Variants in AAK1 observed in about 807,000 individuals in gnomAD.
AAK1 encodes the protein AP2 associated kinase 1.
In AAK1, 37 loss-of-function variants were observed where a neutral mutation model predicts 116.0. The ratio of observed to expected loss-of-function variants is 0.32; its 90% CI spans 0.25 to 0.42. The LOEUF is 0.42. Among genes scored for constraint, AAK1 ranks in the 10% least tolerant of loss-of-function variants. AAK1 has a pLI of 1.00. For synonymous variants in AAK1, 458 were observed against 439.9 expected, an observed-to-expected ratio of 1.04 and a Z score of -0.51; for missense variants, 919 against 1,170.6, an observed-to-expected ratio of 0.79 and a Z score of 3.14.
chr2:69,473,757 CAT>C lies in AAK1; in HGVS notation c.*2110_*2111del, dbSNP rs939823711. The C allele has an allele frequency of 7.4e-5, 72 of 977,268 alleles. 1 individual carries two copies. The African/African-American group carries it at 1.2e-3, about 16-fold the overall frequency. The allele number at this position is 977,268 out of a possible 1,614,324, so 60.5% of individuals were successfully genotyped here. On this transcript the variant is annotated 3_prime_UTR_variant, in exon 22 of 22. Transcript: ENST00000409085. ...ATACGAAAAAAATCAAATATGAAAA[CAT>C]AGAACTCAAACATTATTCTTATTTA...
chr2:69,577,924 T>G (rs936617046), intron 2 of AAK1, among the ~76,000 whole-genome samples: 7 of 152,194 alleles, frequency 4.6e-5, no homozygotes, highest in African/African-American at 1.7e-4. Context: ...GGGTATTCCT[T>G]TCACCTTCAT....
intron 4 of AAK1, among the ~76,000 whole-genome samples, chr2:69,543,228 C>T (rs1210726247): frequency 1.3e-5 from 2 of 152,168 alleles, no homozygotes; most frequent in Non-Finnish European, 2.9e-5. Context: ...TGCCTGGATG[C>T]TCCTACTGCC....
Position 69,470,375 on chromosome 2 carries a change from G to A in AAK1, c.*5494C>T, listed in dbSNP as rs990119968. ...AACCAAACTGGGGAAATCAAGAGAC[G>A]TACATCAAACTAATAATTACCATGA... is the stretch of plus-strand genomic sequence containing the variant. On this transcript the variant is annotated 3_prime_UTR_variant, in exon 22 of 22. Transcript: ENST00000409085. 24 of 985,258 alleles carry A rather than the reference G, an allele frequency of 2.4e-5. No homozygotes were observed. The highest frequency in any genetic ancestry group is 4.7e-5 in the South Asian group (1 of 21,284). The allele number at this position is 985,258 out of a possible 1,614,324, so 61.0% of individuals were successfully genotyped here.
At chr2:69,623,268 G>A (rs548935374) in intron 2 of AAK1, among the ~76,000 whole-genome samples, 69 of 152,298 alleles carry the variant, frequency 4.5e-4, no homozygotes, top group African/African-American at 1.4e-3. Context: ...CACTCACTGC[G>A]AGGGTCCGCG....
intron 2 of AAK1, among the ~76,000 whole-genome samples, chr2:69,586,699 A>G (rs1465836913): frequency 6.6e-6 from 1 of 152,180 alleles, no homozygotes; most frequent in Non-Finnish European, 1.5e-5. Context: ...AGTTGGAAAG[A>G]TTATCCCTAG....
Position 69,550,972 on chromosome 2 carries a change from A to G in AAK1, c.282+5888T>C, listed in dbSNP as rs6735016. Among the ~76,000 whole-genome samples, 519 of 152,242 alleles carry G rather than the reference A, an allele frequency of 3.4e-3. 3 individuals carry two copies. The highest frequency in any genetic ancestry group is 0.012 in the African/African-American group (481 of 41,520). On this transcript the variant is annotated intron_variant, in intron 3 of 21. Transcript: ENST00000409085. ...ACATTCAAATAGTTCATAATACTAG[A>G]CAATTTTTTTCCTACTCCAATCCCC...
At chr2:69,478,087 C>T (rs1178527853) in intron 20 of AAK1, among the ~76,000 whole-genome samples, 2 of 152,186 alleles carry the variant, frequency 1.3e-5, no homozygotes, top group African/African-American at 2.4e-5. Context: ...AAGAGAAATC[C>T]AGTAACCAAT....
intron 2 of AAK1, among the ~76,000 whole-genome samples, chr2:69,605,793 C>T (rs184071862): frequency 1.1e-4 from 17 of 152,242 alleles, no homozygotes; most frequent in East Asian, 1.9e-4. Flanking sequence ...AGTCATCCTC[C>T]GCTCCTACCT....
At chr2:69,573,944 G>C (rs1020075409) in intron 2 of AAK1, among the ~76,000 whole-genome samples, 1 of 151,772 alleles carries the variant, frequency 6.6e-6, no homozygotes, top group African/African-American at 2.4e-5. Flanking sequence ...GCAGTGAGCT[G>C]AGATCATGCC....
At chr2:69,593,599 A>G (rs1465894444) in intron 2 of AAK1, among the ~76,000 whole-genome samples, 4 of 152,180 alleles carry the variant, frequency 2.6e-5, no homozygotes, top group Non-Finnish European at 1.5e-5. Context: ...GCTAAAAGTA[A>G]TTAAATCTAT....
At chr2:69,573,863 G>A (rs1442264717) in intron 2 of AAK1, among the ~76,000 whole-genome samples, 1 of 152,054 alleles carries the variant, frequency 6.6e-6, no homozygotes, top group Non-Finnish European at 1.5e-5. Flanking sequence ...GCTGGGCGTG[G>A]TTGCGGGTGC....
rs532922176 is a variant in AAK1, at chr2:69,462,635, C to T, written c.*13234G>A. 1 of 151,892 alleles carries T rather than the reference C, an allele frequency of 6.6e-6. No individual in the cohort carries two copies. The highest frequency in any genetic ancestry group is 2.1e-4 in the South Asian group (1 of 4,806). The allele number at this position is 151,892 out of a possible 1,614,324, so 9.4% of individuals were successfully genotyped here. A position where few individuals can be genotyped will look rare whatever the true frequency, so the allele number is the denominator to read the frequency against. ...AGGTTGCAGTGAGCCGAGATCACAC[C>T]ACTGCACTCCCGCCTGAGCGACAGA... On this transcript the variant is annotated 3_prime_UTR_variant, in exon 22 of 22. Coordinates refer to ENST00000409085, the MANE Select transcript of AAK1 (RefSeq NM_014911.5).
chr2:69,530,780 T>A, intron 6 of AAK1, 74 bp from the exon 7 acceptor site: 1 of 1,199,124 alleles, frequency 8.3e-7, no homozygotes, highest in Admixed American at 1.9e-5. Context: ...CAGAAATACT[T>A]TTTTTCTTTT....
intron 17 of AAK1, 133 bp downstream of exon 17, chr2:69,495,852 A>G (rs1675717078): frequency 1.4e-6 from 1 of 693,422 alleles, no homozygotes; most frequent in Non-Finnish European, 2.4e-6. Context: ...CACAGTAAAA[A>G]TATACAACAG....
At chr2:69,568,886 A>C (rs774832337) in intron 2 of AAK1, among the ~76,000 whole-genome samples, 1 of 152,070 alleles carries the variant, frequency 6.6e-6, no homozygotes, top group Non-Finnish European at 1.5e-5. Context: ...ATCAGCCCCT[A>C]GGTCGTGGTC....
intron 2 of AAK1, among the ~76,000 whole-genome samples, chr2:69,602,875 T>C (rs530063485): frequency 6.6e-6 from 1 of 152,354 alleles, no homozygotes; most frequent in South Asian, 2.1e-4. Context: ...ATTTATTTTA[T>C]GGAGCAAGTT....
At chr2:69,595,162 G>C (rs1396445076) in intron 2 of AAK1, 1 of 420,210 alleles carries the variant, frequency 2.4e-6, no homozygotes, top group Non-Finnish European at 4.6e-6. Flanking sequence ...GCCCAGGCTG[G>C]AGTGCAGTGG....
At chr2:69,640,440 ATCTG>A (rs1325353123) in intron 2 of AAK1, among the ~76,000 whole-genome samples, 1 of 152,140 alleles carries the variant, frequency 6.6e-6, no homozygotes, top group African/African-American at 2.4e-5. Flanking sequence ...TTGAACCTAG[ATCTG>A]TCTGACTCTA....
Position 69,466,828 on chromosome 2 carries a change from T to C in AAK1, c.*9041A>G, listed in dbSNP as rs1572867468. ...GACATTCAGCGTAACTATGCAATGC[T>C]CCTACACACAGGGCCAGGCACGGAC... is the stretch of plus-strand genomic sequence containing the variant. On this transcript the variant is annotated 3_prime_UTR_variant, in exon 22 of 22. Transcript: ENST00000409085. The C allele has an allele frequency of 2.0e-6, 2 of 985,256 alleles. No homozygotes were observed. Among genetic ancestry groups the C allele is most frequent in the South Asian group, 9.4e-5 (2 of 21,288 alleles). The allele number at this position is 985,256 out of a possible 1,614,324, so 61.0% of individuals were successfully genotyped here.
Sources: gnomAD v4.1 joint callset for allele counts (sites outside exome capture counted in the v4.1 genomes callset) on GRCh38, gnomAD v4.1.1 for gene constraint, MANE v1.5 for transcripts, NCBI Gene and HGNC (gene_info 2026-07-23, HGNC 2026-07-21) for gene names.